MAP3K20: variants seen among roughly 807,000 people sequenced by gnomAD.
The protein encoded by MAP3K20 is HCCS-4.
Under a neutral mutation model 85.7 loss-of-function variants are expected in MAP3K20, and 40 were observed. The observed-to-expected ratio is 0.47, with a 90% confidence interval of 0.36 to 0.61. MAP3K20 has a LOEUF of 0.61. Ranked by LOEUF, MAP3K20 falls within the 20% of genes least tolerant of loss-of-function variation. The pLI is 0.00. For missense variants in MAP3K20, 817 were observed against 961.7 expected (o/e 0.85, Z 1.99); for synonymous variants, 325 against 327.7 (o/e 0.99, Z 0.09).
intron 1 of MAP3K20, chr2:173,090,718 G>C: frequency 9.6e-7 from 1 of 1,040,818 alleles, no homozygotes. Flanking sequence ...CTTGGGATGA[G>C]TAGGAAGTGC....
chr2:173,193,907 G>A (rs1056329868), intron 7 of MAP3K20, among the ~76,000 whole-genome samples: 3 of 152,158 alleles, frequency 2.0e-5, no homozygotes, highest in Non-Finnish European at 2.9e-5. Context: ...ATCCTATGGA[G>A]TAATTTCACT....
At chr2:173,209,296 T>TCAAA (rs1372703167) in intron 9 of MAP3K20, among the ~76,000 whole-genome samples, 6 of 152,204 alleles carry the variant, frequency 3.9e-5, no homozygotes, top group African/African-American at 9.7e-5. Context: ...ATAAAAATGT[T>TCAAA]CAAACATAAA....
intron 8 of MAP3K20, among the ~76,000 whole-genome samples, chr2:173,199,658 G>T (rs1027712354): frequency 1.5e-5 from 2 of 131,450 alleles, no homozygotes; most frequent in Admixed American, 7.4e-5. Flanking sequence ...CTAGGAGAAA[G>T]GTTGTTTTTT....
chr2:173,190,844 G>A (rs1201525166), intron 5 of MAP3K20, 51 bp from the exon 6 acceptor site: 3 of 1,492,814 alleles, frequency 2.0e-6, no homozygotes, highest in Non-Finnish European at 2.8e-6. Flanking sequence ...GTAGAAGACA[G>A]CTCAAACAAA....
At position 173,254,433 on chromosome 2, in the gene MAP3K20, C is replaced by CAAAA. The variant is rs755879153; in HGVS notation, c.1360-4247_1360-4244dup. ...TGGGCAACAGAGTGAGACTTCGTCTCAAAAAAAAAAAAAAAAAAAAAATCA... is the reference window on the plus strand; with the variant it reads ...TGGGCAACAGAGTGAGACTTCGTCTCAAAAAAAAAAAAAAAAAAAAAAAAAATCA... On this transcript the variant is annotated intron_variant, in intron 16 of 19. Transcript: ENST00000375213. Among the ~76,000 whole-genome samples, 7 of 65,990 alleles carry CAAAA rather than the reference C, an allele frequency of 1.1e-4. No individual in the cohort carries two copies. In the South Asian group the frequency reaches 2.9e-3, roughly 27 times the overall value. The allele number at this position is 65,990 out of a possible 152,430, so 43.3% of individuals were successfully genotyped here.
At chr2:173,223,064 A>G (rs1684294425) in intron 11 of MAP3K20, 1 of 985,362 alleles carries the variant, frequency 1.0e-6, no homozygotes, top group African/African-American at 1.7e-5. Context: ...TTTGATCATT[A>G]AAAGCCTCTT....
At chr2:173,172,642 A>G (rs75324587) in intron 3 of MAP3K20, among the ~76,000 whole-genome samples, 3,278 of 152,210 alleles carry the variant, frequency 0.022, 60 homozygotes, top group South Asian at 0.046. Flanking sequence ...CCTGCTTATC[A>G]GGGGAGCCAG....
intron 16 of MAP3K20, among the ~76,000 whole-genome samples, chr2:173,249,797 G>A (rs1224814494): frequency 1.3e-5 from 2 of 152,010 alleles, no homozygotes; most frequent in Non-Finnish European, 2.9e-5. Flanking sequence ...CAGTTAAGGG[G>A]AAAAAAGCCC....
At chr2:173,075,575 A>G, upstream of MAP3K20, 1 of 192,946 alleles carries the variant, frequency 5.2e-6, no homozygotes, top group Non-Finnish European at 9.5e-6. Context: ...ACTGAGTTGA[A>G]GGAGTAGCAG....
intron 2 of MAP3K20, among the ~76,000 whole-genome samples, chr2:173,161,232 T>C (rs997800292): frequency 6.6e-6 from 1 of 152,250 alleles, no homozygotes; most frequent in African/African-American, 2.4e-5. Flanking sequence ...AAAGTGCAGC[T>C]GTCCAAATCC....
At chr2:173,111,273 G>A (rs554939844) in intron 2 of MAP3K20, among the ~76,000 whole-genome samples, 1 of 151,944 alleles carries the variant, frequency 6.6e-6, no homozygotes, top group South Asian at 2.1e-4. Context: ...ACTTTTTATG[G>A]GATTGTTTTT....
At chr2:173,085,682 T>A (rs1473488213) in intron 1 of MAP3K20, among the ~76,000 whole-genome samples, 1 of 151,964 alleles carries the variant, frequency 6.6e-6, no homozygotes, top group Non-Finnish European at 1.5e-5. Flanking sequence ...TACTTAACAT[T>A]TAAAACAGCT....
intron 2 of MAP3K20, among the ~76,000 whole-genome samples, chr2:173,120,586 C>A (rs76584057): frequency 1.2e-3 from 175 of 151,756 alleles, no homozygotes; most frequent in African/African-American, 4.1e-3. Flanking sequence ...AAGGTGAAAG[C>A]ATTCCATCCT....
At chr2:173,218,173 A>G (rs978878423) in intron 11 of MAP3K20, among the ~76,000 whole-genome samples, 14 of 152,228 alleles carry the variant, frequency 9.2e-5, no homozygotes, top group African/African-American at 1.4e-4. Flanking sequence ...GTGATCTTCA[A>G]AAAGCTTTCC....
At chr2:173,080,763 T>C (rs1042432292) in intron 1 of MAP3K20, among the ~76,000 whole-genome samples, 9 of 152,224 alleles carry the variant, frequency 5.9e-5, no homozygotes, top group Non-Finnish European at 1.2e-4. Context: ...GTAGTGGGTA[T>C]GTAGGTTTTC....
intron 2 of MAP3K20, among the ~76,000 whole-genome samples, chr2:173,105,452 A>G (rs1036563064): frequency 2.0e-5 from 3 of 152,248 alleles, no homozygotes; most frequent in African/African-American, 7.2e-5. Context: ...TTTTGATACA[A>G]ACAATGAACA....
chr2:173,167,342 C>A (rs1689863089), intron 2 of MAP3K20, among the ~76,000 whole-genome samples: 1 of 152,040 alleles, frequency 6.6e-6, no homozygotes, highest in Admixed American at 6.6e-5. Flanking sequence ...TAACCTCACA[C>A]TTGTTTTTAT....
Position 173,253,946 on chromosome 2 carries a change from C to CT in MAP3K20, c.1360-4752dup, listed in dbSNP as rs553521346. On this transcript the variant is annotated intron_variant, in intron 16 of 19. Transcript: ENST00000375213. ...ATTAGCCGGGCATGGTGACACACGC[C>CT]TGTGGTCCCAGCTACCTGGGAGGCT... Among the ~76,000 whole-genome samples the CT allele has an allele frequency of 3.3e-3, 506 of 152,092 alleles. 3 individuals are homozygous for CT. Among genetic ancestry groups the CT allele is most frequent in the Middle Eastern group, 6.8e-3 (2 of 292 alleles).
chr2:173,120,395 G>T (rs1688247785), intron 2 of MAP3K20, among the ~76,000 whole-genome samples: 1 of 151,942 alleles, frequency 6.6e-6, no homozygotes, highest in Admixed American at 6.6e-5. Context: ...CTGGGTTTCA[G>T]ACATAGACCT....
Sources: gnomAD v4.1 joint callset for allele counts (sites outside exome capture counted in the v4.1 genomes callset) on GRCh38, gnomAD v4.1.1 for gene constraint, MANE v1.5 for transcripts, NCBI Gene and HGNC (gene_info 2026-07-23, HGNC 2026-07-21) for gene names.